Variants in IL12RB2 observed in about 807,000 individuals in gnomAD.
IL12RB2 encodes the protein interleukin 12 receptor subunit beta 2.
IL12RB2 carries 82 observed loss-of-function variants against 89.4 expected under a neutral mutation model. That is an observed-to-expected ratio of 0.92 (90% CI 0.77 to 1.10). The LOEUF is 1.10. Ranked by LOEUF, IL12RB2 falls within the 50% of genes least tolerant of loss-of-function variation. The pLI is 0.00. For synonymous variants in IL12RB2, 368 were observed against 370.1 expected, an observed-to-expected ratio of 0.99 and a Z score of 0.07; for missense variants, 963 against 1,031.9, an observed-to-expected ratio of 0.93 and a Z score of 0.92.
chr1:67,333,746 G>A (rs1658402062), intron 8 of IL12RB2, among the ~76,000 whole-genome samples: 1 of 152,184 alleles, frequency 6.6e-6, no homozygotes, highest in Non-Finnish European at 1.5e-5. Flanking sequence ...CATTTTCCTT[G>A]TAGTGGGAAA....
At chr1:67,329,784 G>A (rs1203926870) in intron 7 of IL12RB2, 55 bp downstream of exon 7, 31 of 1,171,348 alleles carry the variant, frequency 2.6e-5, no homozygotes, top group South Asian at 1.1e-4. Context: ...ATATTGCTGC[G>A]CAGACCTCTG....
intron 3 of IL12RB2, 109 bp from the exon 4 acceptor site, chr1:67,321,493 A>G (rs775145846): frequency 8.6e-5 from 66 of 768,138 alleles, no homozygotes; most frequent in Admixed American, 1.7e-4. Context: ...TTATATTTGC[A>G]TGATCTGATG....
At chr1:67,358,625 A>C (rs1241930989) in intron 10 of IL12RB2, among the ~76,000 whole-genome samples, 1 of 151,964 alleles carries the variant, frequency 6.6e-6, no homozygotes, top group East Asian at 1.9e-4. Flanking sequence ...AATGAGAGAG[A>C]ACTTAGGTAA....
At chr1:67,319,589 G>C (rs148258947) in intron 2 of IL12RB2, among the ~76,000 whole-genome samples, 246 of 152,206 alleles carry the variant, frequency 1.6e-3, no homozygotes, top group African/African-American at 4.9e-3. Context: ...AAACTACTCT[G>C]TATGGTATGA....
At chr1:67,321,990 T>C in intron 4 of IL12RB2, 101 bp downstream of exon 4, 1 of 995,380 alleles carries the variant, frequency 1.0e-6, no homozygotes, top group Non-Finnish European at 1.6e-6. Context: ...AGGTTAATGT[T>C]CTTTCTTTTC....
chr1:67,332,368 A>G (rs1323817633), intron 8 of IL12RB2, among the ~76,000 whole-genome samples: 1 of 151,958 alleles, frequency 6.6e-6, no homozygotes, highest in African/African-American at 2.4e-5. Flanking sequence ...TGCATGCGCC[A>G]CCATGCCCGG....
chr1:67,309,039 C>CATATACATAT (rs1654668495), intron 1 of IL12RB2, among the ~76,000 whole-genome samples: 1 of 143,162 alleles, frequency 7.0e-6, no homozygotes, highest in African/African-American at 2.7e-5. Context: ...TACATACATA[C>CATATACATAT]ATATACATAT....
intron 1 of IL12RB2, among the ~76,000 whole-genome samples, chr1:67,313,120 T>G (rs17129742): frequency 0.027 from 4,070 of 152,340 alleles, 161 homozygotes; most frequent in African/African-American, 0.094. Flanking sequence ...ACAGTTCATT[T>G]TCATGACCAT....
intron 8 of IL12RB2, among the ~76,000 whole-genome samples, chr1:67,337,134 C>A (rs542577412): frequency 3.9e-4 from 60 of 152,282 alleles, no homozygotes; most frequent in African/African-American, 1.4e-3. Flanking sequence ...CAGCACCTGC[C>A]CTCTACATGT....
At chr1:67,337,915 AAAG>A (rs532879039) in intron 8 of IL12RB2, among the ~76,000 whole-genome samples, 8,812 of 134,164 alleles carry the variant, frequency 0.066, 495 homozygotes, top group African/African-American at 0.15. Flanking sequence ...AAAAAAAAAA[AAAG>A]AAAAGAAAAG....
chr1:67,377,097 G>A (rs1664065627), intron 13 of IL12RB2, among the ~76,000 whole-genome samples: 1 of 152,176 alleles, frequency 6.6e-6, no homozygotes, highest in Admixed American at 6.5e-5. Flanking sequence ...ACCCCTTTGG[G>A]TGGAGTAGAG....
At chr1:67,371,725 G>A (rs1183065749) in intron 11 of IL12RB2, among the ~76,000 whole-genome samples, 2 of 152,154 alleles carry the variant, frequency 1.3e-5, no homozygotes, top group Admixed American at 6.6e-5. Flanking sequence ...TTGAAAGTGC[G>A]GCGCTTTAAA....
intron 8 of IL12RB2, among the ~76,000 whole-genome samples, chr1:67,336,760 C>A (rs1658821971): frequency 6.6e-6 from 1 of 152,200 alleles, no homozygotes; most frequent in South Asian, 2.1e-4. Flanking sequence ...CGGTGCAGAG[C>A]CAAGGCTATG....
At chr1:67,353,607 C>T (rs533581687) in intron 10 of IL12RB2, among the ~76,000 whole-genome samples, 317 of 152,098 alleles carry the variant, frequency 2.1e-3, no homozygotes, top group African/African-American at 7.0e-3. Context: ...TACATGAGCA[C>T]GTATTTTTTG....
chr1:67,382,567 G>A (rs1664715823), intron 14 of IL12RB2, among the ~76,000 whole-genome samples: 1 of 152,000 alleles, frequency 6.6e-6, no homozygotes, highest in Admixed American at 6.5e-5. Flanking sequence ...TCATTATGGA[G>A]CAAGACCAGA....
Position 67,313,993 on chromosome 1 carries a change from A to G in IL12RB2, c.-44A>G, listed in dbSNP as rs10489627. On this transcript the variant is annotated 5_prime_UTR_variant, in exon 2 of 17. Transcript: ENST00000674203. ...TATATTGATCTGCTACCAGTAAAAC[A>G]TATCTCTGTAAGTAGCTTTGCAGGC... 0.42 allele frequency: 63,611 copies of G among 152,084 alleles called. 14,883 individuals carry two copies. The highest frequency in any genetic ancestry group is 0.64 in the African/African-American group (26,402 of 41,442). 9.4% of individuals were successfully genotyped at this position (152,084 alleles called of 1,614,324 possible).
intron 11 of IL12RB2, among the ~76,000 whole-genome samples, chr1:67,370,861 G>A (rs139679894): frequency 6.6e-6 from 1 of 152,330 alleles, no homozygotes; most frequent in Non-Finnish European, 1.5e-5. Flanking sequence ...GAACCACATT[G>A]TCTTCTCTCC....
At chr1:67,389,354 C>A (rs1194033898) in intron 15 of IL12RB2, among the ~76,000 whole-genome samples, 2 of 150,322 alleles carry the variant, frequency 1.3e-5, no homozygotes, top group South Asian at 4.2e-4. Context: ...AAAAAAAAAT[C>A]AAAGCTTATG....
chr1:67,311,695 G>A (rs964481656), intron 1 of IL12RB2, among the ~76,000 whole-genome samples: 1 of 152,158 alleles, frequency 6.6e-6, no homozygotes, highest in African/African-American at 2.4e-5. Flanking sequence ...GAGATGGAGG[G>A]TTGTTAGTGT....
Sources: allele counts gnomAD v4.1 joint callset (sites outside exome capture counted in the v4.1 genomes callset), GRCh38; gene constraint gnomAD v4.1.1; transcripts MANE v1.5; gene names NCBI Gene and HGNC (gene_info 2026-07-23, HGNC 2026-07-21).